ERCC1: variants seen among roughly 807,000 people sequenced by gnomAD.
ERCC1 encodes DNA excision repair protein ERCC-1.
Under a neutral mutation model 37.6 loss-of-function variants are expected in ERCC1, and 36 were observed. The observed-to-expected ratio is 0.96, with a 90% confidence interval of 0.73 to 1.26. ERCC1 has a LOEUF of 1.26. ERCC1 is among the 50% of genes most tolerant of loss of function. The pLI is 0.00. For missense variants in ERCC1, 349 were observed against 376.5 expected (o/e 0.93, Z 0.60); for synonymous variants, 156 against 162.1 (o/e 0.96, Z 0.28).
intron 5 of ERCC1, among the ~76,000 whole-genome samples, chr19:45,418,662 A>T (rs1027880730): frequency 4.6e-5 from 7 of 152,020 alleles, no homozygotes; most frequent in Non-Finnish European, 8.8e-5. Context: ...GTCTCTACTA[A>T]AAATACAAAA....
intron 1 of ERCC1, among the ~76,000 whole-genome samples, chr19:45,444,141 C>A (rs12973999): frequency 6.6e-6 from 1 of 150,986 alleles, no homozygotes; most frequent in Non-Finnish European, 1.5e-5. Context: ...GACTCACCCG[C>A]TTCCCTCCAA....
At chr19:45,428,710 G>T (rs1053637781), upstream of ERCC1, among the ~76,000 whole-genome samples, 2 of 152,240 alleles carry the variant, frequency 1.3e-5, no homozygotes, top group East Asian at 1.9e-4. Context: ...TGAACGGGGG[G>T]CGGAGAGCAG....
upstream of ERCC1, among the ~76,000 whole-genome samples, chr19:45,428,554 G>A (rs1293277705): frequency 6.6e-6 from 1 of 152,132 alleles, no homozygotes; most frequent in African/African-American, 2.4e-5. Context: ...CTCCAGTTTG[G>A]GCCACTCCCC....
chr19:45,445,853 A>G (rs1966923637), intron 1 of ERCC1, among the ~76,000 whole-genome samples: 1 of 152,036 alleles, frequency 6.6e-6, no homozygotes, highest in Non-Finnish European at 1.5e-5. Flanking sequence ...TGAGCAAAAG[A>G]GGGATGTGAA....
At chr19:45,437,828 T>G (rs1975019429) in intron 1 of ERCC1, among the ~76,000 whole-genome samples, 1 of 152,262 alleles carries the variant, frequency 6.6e-6, no homozygotes, top group Non-Finnish European at 1.5e-5. Context: ...TATTGTGTAT[T>G]TCAAAGTTGC....
chr19:45,451,500 G>A (rs930538011), intron 1 of ERCC1, among the ~76,000 whole-genome samples: 3 of 152,136 alleles, frequency 2.0e-5, no homozygotes, highest in African/African-American at 7.2e-5. Context: ...CCTCTTTCAA[G>A]AGACAGGCAG....
rs1474073484 is a variant in ERCC1, at chr19:45,407,852, T to TC, written c.*1822dup. Reference sequence around the variant, plus strand: ...GAGCAGATCACTTGAGGTCAGGAGTTCAAGACCAGCCTGGCCAACATAGTG... The same window carrying TC: ...GAGCAGATCACTTGAGGTCAGGAGTTCCAAGACCAGCCTGGCCAACATAGTG... On this transcript the variant is annotated 3_prime_UTR_variant, in exon 10 of 10. Transcript: ENST00000300853. The TC allele has an allele frequency of 3.2e-6, 1 of 312,492 alleles. No homozygotes were observed. The highest frequency in any genetic ancestry group is 5.9e-6 in the Non-Finnish European group (1 of 169,902). The allele number at this position is 312,492 out of a possible 1,614,324, so 19.4% of individuals were successfully genotyped here. A position where few individuals can be genotyped will look rare whatever the true frequency, so the allele number is the denominator to read the frequency against.
intron 9 of ERCC1, 109 bp from the exon 10 acceptor site, chr19:45,409,834 T>TC: frequency 4.3e-6 from 3 of 703,394 alleles, no homozygotes; most frequent in Admixed American, 4.2e-5. Flanking sequence ...CCCTCAAGCA[T>TC]TTATCCATTG....
In ERCC1 at chr19:45,450,902, C is replaced by G. The variant is rs746439068; in HGVS notation, c.-7-27521G>C. Reference sequence around the variant, plus strand: ...CCGTGCGCCCGCCCCCCCCCCCCCCCCCCACGCCCGCGCAGACGCGGTGAC... The same window carrying G: ...CCGTGCGCCCGCCCCCCCCCCCCCCGCCCACGCCCGCGCAGACGCGGTGAC... On this transcript the variant is annotated intron_variant, in intron 1 of 8. Coordinates refer to the ERCC1 transcript ENST00000423698. Among the ~76,000 whole-genome samples the G allele has an allele frequency of 2.6e-4, 22 of 86,046 alleles. 1 individual carries two copies. Among genetic ancestry groups the G allele is most frequent in the African/African-American group, 8.6e-4 (22 of 25,538 alleles). The allele number at this position is 86,046 out of a possible 152,430, so 56.4% of individuals were successfully genotyped here.
intron 1 of ERCC1, among the ~76,000 whole-genome samples, chr19:45,443,351 G>A (rs1006148490): frequency 6.6e-6 from 1 of 152,190 alleles, no homozygotes; most frequent in African/African-American, 2.4e-5. Flanking sequence ...TGAATGAATC[G>A]AATGAAAAGG....
At chr19:45,427,749 C>G (rs905836374), upstream of ERCC1, among the ~76,000 whole-genome samples, 1 of 152,162 alleles carries the variant, frequency 6.6e-6, no homozygotes, top group Non-Finnish European at 1.5e-5. Context: ...CAGACTTAAC[C>G]CTGCAACTCC....
upstream of ERCC1, chr19:45,423,943 A>C (rs1030954114): frequency 1.8e-6 from 2 of 1,093,128 alleles, no homozygotes; most frequent in Non-Finnish European, 2.2e-6. Flanking sequence ...GCTCCCCAGG[A>C]GAGTAGAGCA....
At position 45,409,788 on chromosome 19, in the gene ERCC1, C is replaced by T. The variant is rs963020121; in HGVS notation, c.844-63G>A. ...TAAAGGAGCTGTTTCCTGGGTAAAT[C>T]TAGAGTGGGGTTTTGGTTCTTTATT... On this transcript the variant is annotated intron_variant, in intron 9 of 9. Coordinates refer to ENST00000300853, the MANE Select transcript of ERCC1 (RefSeq NM_001983.4). 3 of 732,536 alleles carry T rather than the reference C, an allele frequency of 4.1e-6. No homozygotes were observed. In the Admixed American group the frequency reaches 5.9e-5, roughly 14 times the overall value. 45.4% of individuals were successfully genotyped at this position (732,536 alleles called of 1,614,324 possible).
upstream of ERCC1, among the ~76,000 whole-genome samples, chr19:45,426,968 A>C (rs1974710019): frequency 6.6e-6 from 1 of 151,158 alleles, no homozygotes; most frequent in South Asian, 2.1e-4. Context: ...CTAAAAAAAA[A>C]AAAAAAAAAA....
chr19:45,408,108 C>G lies in ERCC1; in HGVS notation c.*1567G>C, dbSNP rs948432392. On this transcript the variant is annotated 3_prime_UTR_variant, in exon 10 of 10. Coordinates refer to ENST00000300853, the MANE Select transcript of ERCC1 (RefSeq NM_001983.4). ...TCCCTCTCCTGTTCCACTTAAGCCT[C>G]TGCCCTCCCTGTTTCTCTCTGTAGC... is the stretch of plus-strand genomic sequence containing the variant. 1 of 1,567,940 alleles carries G rather than the reference C, an allele frequency of 6.4e-7. No homozygotes were observed. Among genetic ancestry groups the G allele is most frequent in the Admixed American group, 1.9e-5 (1 of 53,332 alleles).
intron 1 of ERCC1, among the ~76,000 whole-genome samples, chr19:45,448,000 T>C (rs1967001012): frequency 6.6e-6 from 1 of 152,088 alleles, no homozygotes; most frequent in Non-Finnish European, 1.5e-5. Context: ...GTCTCCCAAG[T>C]AGCTGGGACT....
In ERCC1 at chr19:45,420,253, C is replaced by T. The variant is rs1974328514; in HGVS notation, c.425+71G>A. ...AGGCTTCTCATAGAACAGTCCAGAA[C>T]ACTGGGACATGACCCTCCCAGGCCA... On this transcript the variant is annotated intron_variant, in intron 4 of 9. Transcript: ENST00000300853. This position sits in a 1 kb window ranked among gnomAD's most constrained non-coding sequence, Gnocchi z 4.8. The T allele has an allele frequency of 1.0e-6, 1 of 995,032 alleles. No homozygotes were observed. Among genetic ancestry groups the T allele is most frequent in the Non-Finnish European group, 1.6e-6 (1 of 638,324 alleles). The allele number at this position is 995,032 out of a possible 1,614,324, so 61.6% of individuals were successfully genotyped here.
intron 1 of ERCC1, 101 bp downstream of exon 1, chr19:45,423,680 T>A: frequency 1.6e-6 from 2 of 1,256,444 alleles, no homozygotes; most frequent in Non-Finnish European, 2.0e-6. Flanking sequence ...GAGGCTAGCA[T>A]CTGGACGCCC....
intron 1 of ERCC1, among the ~76,000 whole-genome samples, chr19:45,438,985 C>T (rs1390141174): frequency 1.3e-5 from 2 of 152,018 alleles, no homozygotes; most frequent in Non-Finnish European, 2.9e-5. Context: ...ATTTTTTAAC[C>T]GCATCTCTCT....
Sources: gnomAD v4.1 joint callset for allele counts (sites outside exome capture counted in the v4.1 genomes callset) on GRCh38, gnomAD v4.1.1 for gene constraint, Gnocchi (gnomAD v3.1) non-coding constraint, MANE v1.5 for transcripts, NCBI Gene and HGNC (gene_info 2026-07-23, HGNC 2026-07-21) for gene names.